The following CHRNA4 variants were observed in gnomAD, a reference collection of about 807,000 sequenced individuals.
CHRNA4 encodes neuronal acetylcholine receptor subunit alpha-4.
Under a neutral mutation model 48.9 loss-of-function variants are expected in CHRNA4, and 28 were observed. That is an observed-to-expected ratio of 0.57 (90% CI 0.42 to 0.79). CHRNA4 has a LOEUF of 0.79. Ranked by LOEUF, CHRNA4 falls within the 30% of genes least tolerant of loss-of-function variation. The pLI is 0.00. For synonymous variants in CHRNA4, 425 were observed against 402.3 expected (o/e 1.06, Z -0.68); for missense variants, 859 against 898.4 (o/e 0.96, Z 0.56).
intron 5 of CHRNA4, among the ~76,000 whole-genome samples, chr20:63,349,230 G>C (rs2068543030): frequency 6.6e-6 from 1 of 152,212 alleles, no homozygotes; most frequent in South Asian, 2.1e-4. Flanking sequence ...GCCCCGGGGA[G>C]GCCCGCGGGG....
intron 4 of CHRNA4, chr20:63,355,389 CT>C (rs1390910937): frequency 1.4e-6 from 1 of 690,124 alleles, no homozygotes; most frequent in African/African-American, 1.9e-5. Context: ...CAGCCCGAGG[CT>C]TTGTTTGTTT....
rs200605749 is a variant in CHRNA4 at position 63,350,350 on chromosome 20, C to G, written c.1061G>C (p.Arg354Pro). 1 of 1,613,552 alleles carries G rather than the reference C, an allele frequency of 6.2e-7. No homozygotes were observed. Among genetic ancestry groups the G allele is most frequent in the Admixed American group, 1.7e-5 (1 of 60,020 alleles). Residue 354 changes from arginine to proline, a missense_variant, in exon 5 of 6, where the codon CGC (arginine) becomes CCC (proline). By Grantham distance (103) the Arg-to-Pro change is moderately radical (BLOSUM62 -2). Transcript: ENST00000370263. ...VRRVFLDIVP[R>P]LLLMKRPSVV... Reference sequence around the variant, plus strand: ...GGACGGCCGCTTCATGAGGAGCAGGCGTGGCACGATGTCCAGGAAGACCCT... The same window carrying G: ...GGACGGCCGCTTCATGAGGAGCAGGGGTGGCACGATGTCCAGGAAGACCCT...
intron 4 of CHRNA4, chr20:63,354,794 G>A: frequency 3.8e-6 from 1 of 264,546 alleles, no homozygotes; most frequent in Non-Finnish European, 5.9e-6. Context: ...CGGATTCGGT[G>A]CATGGTCCTG....
chr20:63,360,989 G>T, intron 1 of CHRNA4, 101 bp downstream of exon 1: 2 of 1,034,340 alleles, frequency 1.9e-6, no homozygotes, highest in Non-Finnish European at 2.5e-6. Context: ...CGCACCCGCG[G>T]CTTGGGACCG....
chr20:63,356,950 C>A (rs2068726889), intron 2 of CHRNA4, among the ~76,000 whole-genome samples: 1 of 152,042 alleles, frequency 6.6e-6, no homozygotes, highest in Non-Finnish European at 1.5e-5. Flanking sequence ...CCGACCCACC[C>A]CACCCACCTC....
In CHRNA4 at chr20:63,350,929, C is replaced by G; in HGVS notation, c.482G>C (p.Cys161Ser). Reference sequence around the variant, plus strand: ...GGGGAAGAAGGTGACGTCGATGCTGCAGGAGCTCTTGTAAATGGCCGGGGG... The same window carrying G: ...GGGGAAGAAGGTGACGTCGATGCTGGAGGAGCTCTTGTAAATGGCCGGGGG... The part of the protein sequence containing the change: ...WTPPAIYKSS[C>S]SIDVTFFPFD... The change falls in exon 5 of 6, where the codon TGC becomes TCC. Residue 161 changes from cysteine to serine, a missense_variant. Coordinates refer to ENST00000370263, the MANE Select transcript of CHRNA4 (RefSeq NM_000744.7). 1 of 1,613,954 alleles carries G rather than the reference C, an allele frequency of 6.2e-7. No individual in the cohort carries two copies. The highest frequency in any genetic ancestry group is 2.2e-5 in the East Asian group (1 of 44,872).
chr20:63,345,921 T>TGGAGCCCTGGCCACCTGCC lies in CHRNA4; in HGVS notation c.*798_*816dup, dbSNP rs1568803981. Reference sequence around the variant, plus strand: ...AGGGGCTGAAGCCACTAGGCCCCCGTGGAGCCCTGGCCACCTGCCAGAGCC... The same window carrying TGGAGCCCTGGCCACCTGCC: ...AGGGGCTGAAGCCACTAGGCCCCCGTGGAGCCCTGGCCACCTGCCGGAGCCCTGGCCACCTGCCAGAGCC... On this transcript the variant is annotated 3_prime_UTR_variant, in exon 6 of 6. Coordinates refer to ENST00000370263, the MANE Select transcript of CHRNA4 (RefSeq NM_000744.7). The surrounding 1 kb of genome is among the most constrained non-coding windows in gnomAD (Gnocchi z 5.4). 2.2e-6 allele frequency: 1 copy of TGGAGCCCTGGCCACCTGCC among 453,898 alleles called. No homozygotes were observed. Among genetic ancestry groups the TGGAGCCCTGGCCACCTGCC allele is most frequent in the Non-Finnish European group, 4.4e-6 (1 of 226,650 alleles). The allele number at this position is 453,898 out of a possible 1,614,324, so 28.1% of individuals were successfully genotyped here.
At chr20:63,347,700 G>A (rs892932330) in intron 5 of CHRNA4, among the ~76,000 whole-genome samples, 3 of 152,224 alleles carry the variant, frequency 2.0e-5, no homozygotes, top group South Asian at 2.1e-4. Context: ...TGGCTCTGCC[G>A]TGTAGGACCT....
In CHRNA4 at chr20:63,349,851, G is replaced by A. The variant is rs142646795; in HGVS notation, c.1560C>T (p.Leu520=). The A allele has an allele frequency of 3.0e-4, 485 of 1,595,734 alleles. No homozygotes were observed. Among genetic ancestry groups the A allele is most frequent in the Non-Finnish European group, 3.6e-4 (418 of 1,169,076 alleles). Residue 520 remains leucine (L), a synonymous_variant, in exon 5 of 6, where the codon CTC becomes CTT. Coordinates refer to ENST00000370263, the MANE Select transcript of CHRNA4 (RefSeq NM_000744.7). ...ACGGAGAGGGCTGGTCTGGGGGTGGGAGCTCAGCCGAGTGGGTGTTGCGAG... is the reference window on the plus strand; with the variant it reads ...ACGGAGAGGGCTGGTCTGGGGGTGGAAGCTCAGCCGAGTGGGTGTTGCGAG... ...LASRNTHSAE[L]PPPDQPSPCK...
At position 63,359,865 on chromosome 20, in the gene CHRNA4, C is replaced by T. The variant is rs1294550267; in HGVS notation, c.77-166G>A. ...AGGACCTGTGTGTGTGCCGGGCGTG[C>T]GCTCTGTGTGTGTGTGTGTGCCGGG... On this transcript the variant is annotated intron_variant, in intron 1 of 5. Transcript: ENST00000370263. 1.0e-4 allele frequency: 66 copies of T among 649,500 alleles called. No homozygotes were observed. The East Asian group carries it at 1.5e-3, about 15-fold the overall frequency. The allele number at this position is 649,500 out of a possible 1,614,324, so 40.2% of individuals were successfully genotyped here.
chr20:63,346,821 T>C lies in CHRNA4; in HGVS notation c.1801A>G (p.Ile601Val). The C allele has an allele frequency of 1.2e-6, 2 of 1,612,668 alleles. No homozygotes were observed. Among genetic ancestry groups the C allele is most frequent in the Non-Finnish European group, 1.7e-6 (2 of 1,179,674 alleles). ...ACGATGATGAACATCCAGAGGAAGA[T>C]GCGGTCGATGACCATGGCCACGTAC... The part of the protein sequence containing the change: ...WKYVAMVIDR[I>V]FLWMFIIVCL... The change falls in exon 6 of 6, where the codon ATC (isoleucine) becomes GTC (valine). Residue 601 changes from isoleucine (I) to valine (V), a missense_variant. This residue lies in a region of CHRNA4 where 478 missense variants were observed against 455.4 expected (regional missense o/e 1.05). Transcript: ENST00000370263.
chr20:63,345,045 G>GTGTGGGCAA lies in CHRNA4; in HGVS notation c.*1684_*1692dup, dbSNP rs751593482. 2.6e-5 allele frequency: 12 copies of GTGTGGGCAA among 453,618 alleles called. No individual in the cohort carries two copies. The highest frequency in any genetic ancestry group is 4.0e-5 in the African/African-American group (2 of 50,106). 28.1% of individuals were successfully genotyped at this position (453,618 alleles called of 1,614,324 possible). On this transcript the variant is annotated 3_prime_UTR_variant, in exon 6 of 6. Transcript: ENST00000370263. This position sits in a 1 kb window ranked among gnomAD's most constrained non-coding sequence, Gnocchi z 5.4. ...GTGACCAGCAGCAGTTCAGAGGCAG[G>GTGTGGGCAA]TGTGGGCAATGTGGGCCTGAGTCTC...
At chr20:63,359,477 C>T in intron 2 of CHRNA4, 71 bp downstream of exon 2, 1 of 1,595,432 alleles carries the variant, frequency 6.3e-7, no homozygotes, top group Non-Finnish European at 8.6e-7. Context: ...GTCCCCTCTG[C>T]CCACCCAGAC....
At chr20:63,351,131 A>ACGCCCACACCCACG (rs1466056215) in intron 4 of CHRNA4, 104 bp from the exon 5 acceptor site, 361 of 761,342 alleles carry the variant, frequency 4.7e-4, no homozygotes, top group Admixed American at 2.7e-3. Flanking sequence ...CCACACCCAC[A>ACGCCCACACCCACG]TCCACGCCCA....
rs1039600168 is a variant in CHRNA4, at chr20:63,361,130, C to A, written c.36G>T (p.Leu12=). ...ELGGPGAPRL[L]PPLLLLLGTG... is the part of the protein sequence containing the mutation. Reference sequence around the variant, plus strand: ...TCCCCAGAAGCAGCAGCAGCGGCGGCAGCAGCCGCGGCGCTCCGGGGCCCC... The same window carrying A: ...TCCCCAGAAGCAGCAGCAGCGGCGGAAGCAGCCGCGGCGCTCCGGGGCCCC... Residue 12 remains leucine (L), a synonymous_variant, in exon 1 of 6, where the codon CTG becomes CTT. Coordinates refer to ENST00000370263, the MANE Select transcript of CHRNA4 (RefSeq NM_000744.7). The A allele has an allele frequency of 1.4e-6, 2 of 1,478,708 alleles. No homozygotes were observed. The highest frequency in any genetic ancestry group is 1.5e-5 in the African/African-American group (1 of 68,316). The allele number at this position is 1,478,708 out of a possible 1,614,324, so 91.6% of individuals were successfully genotyped here.
At chr20:63,360,331 C>G (rs925257890) in intron 1 of CHRNA4, among the ~76,000 whole-genome samples, 1 of 152,122 alleles carries the variant, frequency 6.6e-6, no homozygotes, top group African/African-American at 2.4e-5. Context: ...AGATGCAGAC[C>G]CCAACGAGGT....
At position 63,344,735 on chromosome 20, in the gene CHRNA4, C is replaced by T. The variant is rs2068462475; in HGVS notation, c.*2003G>A. On this transcript the variant is annotated 3_prime_UTR_variant, in exon 6 of 6. Transcript: ENST00000370263. This position sits in a 1 kb window ranked among gnomAD's most constrained non-coding sequence, Gnocchi z 4.5. ...TCTGAAATCTGCGTCTCTATCCCTC[C>T]TCTGAGACCAGTGTCTCCTGCCAGC... 6.6e-6 allele frequency: 3 copies of T among 454,012 alleles called. No individual in the cohort carries two copies. The highest frequency in any genetic ancestry group is 1.3e-5 in the Non-Finnish European group (3 of 226,806). 28.1% of individuals were successfully genotyped at this position (454,012 alleles called of 1,614,324 possible).
At chr20:63,357,171 ATTCCCACAGGACCAC>A (rs2068734077) in intron 2 of CHRNA4, among the ~76,000 whole-genome samples, 2 of 8,818 alleles carry the variant, frequency 2.3e-4, no homozygotes, top group African/African-American at 3.7e-4. Flanking sequence ...ACAGGACCAC[ATTCCCACAGGACCAC>A]AACCCACAGG....
At chr20:63,356,227 G>A in intron 3 of CHRNA4, 143 bp from the exon 4 acceptor site, 5 of 793,014 alleles carry the variant, frequency 6.3e-6, no homozygotes, top group Non-Finnish European at 1.0e-5. Context: ...GGCGGGACAG[G>A]GCCAGGGTGG....
Sources: allele counts gnomAD v4.1 joint callset (sites outside exome capture counted in the v4.1 genomes callset), GRCh38; gene constraint gnomAD v4.1.1; regional missense constraint gnomAD v4.1.1; non-coding constraint Gnocchi (gnomAD v3.1); transcripts MANE v1.5; gene names NCBI Gene and HGNC (gene_info 2026-07-23, HGNC 2026-07-21).